The following PALM2AKAP2 variants were observed in gnomAD, a reference collection of about 807,000 sequenced individuals.
The protein encoded by PALM2AKAP2 is PALM2-AKAP2 fusion protein.
In PALM2AKAP2, 37 loss-of-function variants were observed where a neutral mutation model predicts 71.5. That is an observed-to-expected ratio of 0.52 (90% CI 0.40 to 0.68). The LOEUF (loss-of-function observed/expected upper bound fraction) is 0.68. PALM2AKAP2 is among the 30% of genes least tolerant of loss of function. PALM2AKAP2 has a pLI of 0.00. For missense variants in PALM2AKAP2, 1,224 were observed against 1,191.8 expected (o/e 1.03, Z -0.40); for synonymous variants, 468 against 478.8 (o/e 0.98, Z 0.29).
rs984595939 is a variant in PALM2AKAP2, at chr9:109,787,889, T to C, written c.45+7356T>C. ...CTTTACAGGATGCTTTCCTTATGCA[T>C]TGATTTATTTGGATTTCATAAGGAT... On this transcript the variant is annotated intron_variant, in intron 1 of 9. Transcript: ENST00000302798. 9.2e-5 allele frequency among the ~76,000 whole-genome samples: 14 copies of C among 152,252 alleles called. No homozygotes were observed. The South Asian group carries it at 2.9e-3, about 31-fold the overall frequency.
rs564884647 is a variant in PALM2AKAP2 at position 110,076,083 on chromosome 9, C to G, written c.156+27228C>G. ...AAAGTGACCTCTAGCATTTTTTTAC[C>G]CCAACACCAGGATCCAATCCTGGAT... On this transcript the variant is annotated intron_variant, in intron 1 of 3. Transcript: ENST00000374525. Among the ~76,000 whole-genome samples the G allele has an allele frequency of 1.9e-3, 293 of 151,780 alleles. 1 individual carries two copies. Among genetic ancestry groups the G allele is most frequent in the African/African-American group, 6.9e-3 (284 of 41,384 alleles).
chr9:110,018,648 T>G (rs1459908411), intron 7 of PALM2AKAP2, among the ~76,000 whole-genome samples: 3 of 152,146 alleles, frequency 2.0e-5, no homozygotes, highest in Non-Finnish European at 4.4e-5. Context: ...TAGAAATATA[T>G]TTAAACACAT....
At chr9:110,125,497 C>G (rs763127412) in intron 1 of PALM2AKAP2, 1 of 985,392 alleles carries the variant, frequency 1.0e-6, no homozygotes, top group South Asian at 4.7e-5. Context: ...TCAGGAGGCT[C>G]AGGAGGAATT....
intron 2 of PALM2AKAP2, among the ~76,000 whole-genome samples, chr9:110,151,446 C>T (rs1836313070): frequency 6.6e-6 from 1 of 152,234 alleles, no homozygotes; most frequent in South Asian, 2.1e-4. Flanking sequence ...ATTAGAGCTT[C>T]ACAATCATAT....
intron 6 of PALM2AKAP2, among the ~76,000 whole-genome samples, chr9:109,994,916 C>T (rs957697729): frequency 8.5e-5 from 13 of 152,184 alleles, no homozygotes; most frequent in African/African-American, 2.9e-4. Flanking sequence ...ATGCCTTGAC[C>T]TGGTGGTACC....
intron 6 of PALM2AKAP2, chr9:109,945,887 C>A (rs1428291015): frequency 6.6e-6 from 1 of 152,196 alleles, no homozygotes; most frequent in Non-Finnish European, 1.5e-5. Context: ...TAATGATTAT[C>A]TGTATTCTCT....
chr9:109,997,737 C>T (rs931063390), intron 6 of PALM2AKAP2, among the ~76,000 whole-genome samples: 23 of 150,998 alleles, frequency 1.5e-4, no homozygotes, highest in African/African-American at 5.6e-4. Context: ...GCCTGGTCCT[C>T]ATAGCTATCC....
At chr9:110,130,559 A>G (rs1055714919) in intron 1 of PALM2AKAP2, among the ~76,000 whole-genome samples, 1 of 152,364 alleles carries the variant, frequency 6.6e-6, no homozygotes, top group African/African-American at 2.4e-5. Context: ...TCTGGCACTC[A>G]TACAGACTTG....
intron 7 of PALM2AKAP2, among the ~76,000 whole-genome samples, chr9:110,025,668 C>G (rs529561330): frequency 6.6e-6 from 1 of 152,278 alleles, no homozygotes; most frequent in South Asian, 2.1e-4. Context: ...ATGAATGAGG[C>G]TTCCAAGTTT....
intron 1 of PALM2AKAP2, among the ~76,000 whole-genome samples, chr9:109,842,908 A>G (rs950248809): frequency 3.3e-5 from 5 of 152,108 alleles, no homozygotes; most frequent in African/African-American, 9.7e-5. Context: ...TGGGAGGCCA[A>G]TGAGGGCGGA....
intron 3 of PALM2AKAP2, among the ~76,000 whole-genome samples, chr9:109,894,025 A>T (rs1188184647): frequency 3.0e-4 from 11 of 36,188 alleles, no homozygotes; most frequent in Admixed American, 7.3e-4. Flanking sequence ...TTGCTTATTT[A>T]AAAAAAAAAA....
At chr9:109,922,714 A>G (rs1188849186) in intron 3 of PALM2AKAP2, among the ~76,000 whole-genome samples, 1 of 152,164 alleles carries the variant, frequency 6.6e-6, no homozygotes, top group East Asian at 1.9e-4. Flanking sequence ...TACTCTGCCA[A>G]TATATGTAAT....
intron 7 of PALM2AKAP2, among the ~76,000 whole-genome samples, chr9:110,025,548 T>C (rs1833164988): frequency 6.6e-6 from 1 of 152,214 alleles, no homozygotes; most frequent in Non-Finnish European, 1.5e-5. Flanking sequence ...GTCTTGGGAT[T>C]GTACCTAGGA....
chr9:110,118,580 C>T (rs1835417823), intron 1 of PALM2AKAP2, among the ~76,000 whole-genome samples: 1 of 152,136 alleles, frequency 6.6e-6, no homozygotes. Flanking sequence ...TTTATCTCCT[C>T]CAGGTGCCTA....
chr9:109,921,944 C>G (rs1251944738), intron 3 of PALM2AKAP2, among the ~76,000 whole-genome samples: 3 of 152,040 alleles, frequency 2.0e-5, no homozygotes, highest in Non-Finnish European at 4.4e-5. Context: ...AAAGATTATC[C>G]CTCCAGAGGT....
chr9:109,919,765 G>GTATATA (rs138804024), intron 3 of PALM2AKAP2, among the ~76,000 whole-genome samples: 8,395 of 150,658 alleles, frequency 0.056, 324 homozygotes, highest in Admixed American at 0.11. Context: ...GTGTGTGTGT[G>GTATATA]TATATATGTA....
chr9:109,953,420 TAA>T (rs940546044), intron 6 of PALM2AKAP2, among the ~76,000 whole-genome samples: 1 of 152,188 alleles, frequency 6.6e-6, no homozygotes, highest in African/African-American at 2.4e-5. Flanking sequence ...ATAGAGATAG[TAA>T]GTACTTTGGC....
chr9:109,841,270 A>G (rs1191400353), intron 1 of PALM2AKAP2, among the ~76,000 whole-genome samples: 1 of 151,032 alleles, frequency 6.6e-6, no homozygotes, highest in Non-Finnish European at 1.5e-5. Flanking sequence ...GCAGGGACAA[A>G]AAACCAAACA....
At chr9:109,840,736 A>G (rs1446001933) in intron 1 of PALM2AKAP2, among the ~76,000 whole-genome samples, 1 of 152,258 alleles carries the variant, frequency 6.6e-6, no homozygotes, top group African/African-American at 2.4e-5. Context: ...TCAAAAGAAG[A>G]CATTTATGCA....
Sources: gnomAD v4.1 joint callset for allele counts (sites outside exome capture counted in the v4.1 genomes callset) on GRCh38, gnomAD v4.1.1 for gene constraint, MANE v1.5 for transcripts, NCBI Gene and HGNC (gene_info 2026-07-23, HGNC 2026-07-21) for gene names.